The following RAI14 variants were observed in gnomAD, a reference collection of about 807,000 sequenced individuals.
The protein encoded by RAI14 is retinoic acid induced 14.
Under a neutral mutation model 115.4 loss-of-function variants are expected in RAI14, and 45 were observed. That is an observed-to-expected ratio of 0.39 (90% CI 0.31 to 0.50). The LOEUF (loss-of-function observed/expected upper bound fraction) is 0.50. RAI14 is among the 20% of genes least tolerant of loss of function. RAI14 has a pLI of 0.85. For missense variants in RAI14, 939 were observed against 1,131.2 expected, an observed-to-expected ratio of 0.83 and a Z score of 2.44; for synonymous variants, 371 against 415.4, an observed-to-expected ratio of 0.89 and a Z score of 1.30.
chr5:34,748,883 A>G (rs777302947), intron 2 of RAI14, among the ~76,000 whole-genome samples: 3 of 152,188 alleles, frequency 2.0e-5, no homozygotes, highest in Non-Finnish European at 2.9e-5. Flanking sequence ...TTTGTTGAAT[A>G]AGTGAATGAA....
rs150550800 is a variant in RAI14, at chr5:34,722,677, C to G, written c.37-34791C>G. 3.3e-3 allele frequency among the ~76,000 whole-genome samples: 494 copies of G among 149,986 alleles called. 3 individuals carry two copies. The highest frequency in any genetic ancestry group is 0.012 in the African/African-American group (472 of 40,708). Reference sequence around the variant, plus strand: ...CCTGGCCAGCATGGTGAAACCCCGTCTCTACTAAAAATTCAAAAATTAGCT... The same window carrying G: ...CCTGGCCAGCATGGTGAAACCCCGTGTCTACTAAAAATTCAAAAATTAGCT... On this transcript the variant is annotated intron_variant, in intron 2 of 17. Coordinates refer to ENST00000265109, the MANE Select transcript of RAI14 (RefSeq NM_015577.3).
intron 2 of RAI14, among the ~76,000 whole-genome samples, chr5:34,719,818 G>A (rs61251364): frequency 0.22 from 32,821 of 152,014 alleles, 3,946 homozygotes; most frequent in Middle Eastern, 0.26. Context: ...ACGCACCAGC[G>A]AAGCCAAGGG....
chr5:34,746,555 C>T (rs1746254176), intron 2 of RAI14, among the ~76,000 whole-genome samples: 1 of 151,684 alleles, frequency 6.6e-6, no homozygotes, highest in African/African-American at 2.4e-5. Flanking sequence ...CAGGTGCATG[C>T]CACCACACCC....
intron 2 of RAI14, among the ~76,000 whole-genome samples, chr5:34,722,262 T>A (rs1742857890): frequency 6.8e-6 from 1 of 148,136 alleles, no homozygotes; most frequent in Non-Finnish European, 1.5e-5. Context: ...TAATCTAGTA[T>A]GACTAGTATC....
At chr5:34,695,370 T>A (rs752570360) in intron 2 of RAI14, among the ~76,000 whole-genome samples, 49 of 152,188 alleles carry the variant, frequency 3.2e-4, no homozygotes, top group Non-Finnish European at 6.3e-4. Context: ...TTTAAAATAG[T>A]CTAAGAGCCA....
chr5:34,671,724 T>C (rs1309347550), intron 1 of RAI14, among the ~76,000 whole-genome samples: 1 of 152,186 alleles, frequency 6.6e-6, no homozygotes, highest in Non-Finnish European at 1.5e-5. Context: ...ATATAAAACT[T>C]ACTAATGATG....
At chr5:34,777,108 A>G (rs1297812804) in intron 3 of RAI14, among the ~76,000 whole-genome samples, 3 of 147,170 alleles carry the variant, frequency 2.0e-5, no homozygotes, top group African/African-American at 7.5e-5. Flanking sequence ...AGAAGTTGCC[A>G]TGAGCCAAGA....
chr5:34,788,172 G>A (rs574838574), intron 3 of RAI14, among the ~76,000 whole-genome samples: 18 of 151,890 alleles, frequency 1.2e-4, no homozygotes, highest in South Asian at 4.2e-4. Context: ...GCCTTCCTCC[G>A]CCTCCCAAAG....
chr5:34,701,556 G>C (rs1740073515), intron 2 of RAI14, among the ~76,000 whole-genome samples: 1 of 152,120 alleles, frequency 6.6e-6, no homozygotes, highest in Non-Finnish European at 1.5e-5. Flanking sequence ...TCAACCAATT[G>C]TCAACCAGAA....
intron 2 of RAI14, among the ~76,000 whole-genome samples, chr5:34,693,110 G>C (rs1738833356): frequency 1.3e-5 from 2 of 152,132 alleles, no homozygotes; most frequent in Admixed American, 1.3e-4. Context: ...ACTGGATTAG[G>C]GCTCGCTATA....
In RAI14 at chr5:34,658,435, CT is replaced by C. The variant is rs201823621; in HGVS notation, c.-49+1964del. ...GGAATTAATAGAATGCAGTGGACAA[CT>C]TTTGCCTCTCCTTCCTCCACCCCCT... On this transcript the variant is annotated intron_variant, in intron 1 of 17. Coordinates refer to ENST00000265109, the MANE Select transcript of RAI14 (RefSeq NM_015577.3). Among the ~76,000 whole-genome samples the C allele has an allele frequency of 5.4e-3, 820 of 152,206 alleles. 13 individuals are homozygous for C. Among genetic ancestry groups the C allele is most frequent in the African/African-American group, 0.019 (781 of 41,512 alleles).
chr5:34,821,891 C>G, intron 14 of RAI14, 41 bp downstream of exon 14: 1 of 1,145,890 alleles, frequency 8.7e-7, no homozygotes, highest in Non-Finnish European at 1.3e-6. Flanking sequence ...TCTGTAGAGT[C>G]AAGCTCTTGG....
At chr5:34,681,856 C>CTTTCTTTTTTTTT in intron 1 of RAI14, among the ~76,000 whole-genome samples, 1 of 122,154 alleles carries the variant, frequency 8.2e-6, no homozygotes. Context: ...TTCTTTCTTT[C>CTTTCTTTTTTTTT]TTTTTTTTTT....
At chr5:34,696,604 C>G (rs1486523787) in intron 2 of RAI14, among the ~76,000 whole-genome samples, 1 of 152,202 alleles carries the variant, frequency 6.6e-6, no homozygotes, top group Non-Finnish European at 1.5e-5. Flanking sequence ...AGAATGGATA[C>G]TGGGGATGAT....
At chr5:34,693,410 C>G (rs1738869058) in intron 2 of RAI14, among the ~76,000 whole-genome samples, 1 of 152,156 alleles carries the variant, frequency 6.6e-6, no homozygotes, top group African/African-American at 2.4e-5. Context: ...CAGTGGGTGC[C>G]ACTGCATAAT....
chr5:34,694,022 A>T (rs1738940256), intron 2 of RAI14, among the ~76,000 whole-genome samples: 1 of 152,184 alleles, frequency 6.6e-6, no homozygotes, highest in Non-Finnish European at 1.5e-5. Context: ...GTGGAGCTCC[A>T]CTGTGGGCTA....
intron 3 of RAI14, among the ~76,000 whole-genome samples, chr5:34,775,190 G>A (rs1433371363): frequency 6.6e-6 from 1 of 152,134 alleles, no homozygotes; most frequent in Non-Finnish European, 1.5e-5. Flanking sequence ...AACTCTGTAG[G>A]GCGTTGGGTT....
intron 3 of RAI14, among the ~76,000 whole-genome samples, chr5:34,786,987 G>GTT (rs1471925198): frequency 1.3e-5 from 2 of 152,234 alleles, no homozygotes; most frequent in African/African-American, 4.8e-5. Context: ...GCTCTTGTTA[G>GTT]TTATCTGCAT....
intron 2 of RAI14, among the ~76,000 whole-genome samples, chr5:34,697,061 G>A (rs1008412293): frequency 1.7e-4 from 26 of 152,226 alleles, no homozygotes; most frequent in Non-Finnish European, 3.1e-4. Context: ...AACCTGTGAG[G>A]CAGAGGTTGC....
Sources: gnomAD v4.1 joint callset for allele counts (sites outside exome capture counted in the v4.1 genomes callset) on GRCh38, gnomAD v4.1.1 for gene constraint, MANE v1.5 for transcripts, NCBI Gene and HGNC (gene_info 2026-07-23, HGNC 2026-07-21) for gene names.